Variants in EPN2 observed in about 807,000 individuals in gnomAD.
EPN2 encodes the protein epsin-2.
EPN2 carries 34 observed loss-of-function variants against 61.7 expected under a neutral mutation model. The observed-to-expected ratio is 0.55, with a 90% confidence interval of 0.42 to 0.73. EPN2 has a LOEUF of 0.73. Among genes scored for constraint, EPN2 ranks in the 30% least tolerant of loss-of-function variants. The probability of loss-of-function intolerance (pLI) is 0.00; values close to 1 mark genes in which losing one functional copy is unlikely to be tolerated. For synonymous variants in EPN2, 349 were observed against 353.6 expected (o/e 0.99, Z 0.15); for missense variants, 714 against 839.2 (o/e 0.85, Z 1.84).
At chr17:19,325,658 A>T (rs1906832230) in intron 7 of EPN2, among the ~76,000 whole-genome samples, 1 of 152,224 alleles carries the variant, frequency 6.6e-6, no homozygotes, top group Admixed American at 6.5e-5. Context: ...TGATCCTGTA[A>T]CATCAAGAGC....
At chr17:19,309,749 C>T (rs1191548612) in intron 4 of EPN2, 136 bp from the exon 5 acceptor site, 1 of 680,420 alleles carries the variant, frequency 1.5e-6, no homozygotes, top group Non-Finnish European at 2.7e-6. Context: ...TTCCTTTCCT[C>T]TGCCTGCATT....
At chr17:19,259,603 C>T (rs1172337645) in intron 1 of EPN2, among the ~76,000 whole-genome samples, 4 of 152,180 alleles carry the variant, frequency 2.6e-5, no homozygotes, top group South Asian at 2.1e-4. Flanking sequence ...TGAGCCACAG[C>T]GCCCGGCTGA....
At chr17:19,329,805 C>T (rs772231662) in intron 9 of EPN2, among the ~76,000 whole-genome samples, 158 bp downstream of exon 9, 14 of 152,176 alleles carry the variant, frequency 9.2e-5, no homozygotes, top group Non-Finnish European at 1.6e-4. Flanking sequence ...AGAATTCATA[C>T]ATCAATAGTT....
intron 4 of EPN2, among the ~76,000 whole-genome samples, chr17:19,295,325 C>G (rs929941946): frequency 6.7e-6 from 1 of 148,842 alleles, no homozygotes; most frequent in Non-Finnish European, 1.5e-5. Flanking sequence ...CAGTGAAACC[C>G]CATCTCTATT....
chr17:19,318,096 T>TG (rs1317787938), intron 7 of EPN2, among the ~76,000 whole-genome samples: 1 of 152,218 alleles, frequency 6.6e-6, no homozygotes, highest in Non-Finnish European at 1.5e-5. Context: ...CAGTGTCACT[T>TG]GCAGAATGCA....
chr17:19,245,400 A>G (rs1282767093), intron 1 of EPN2, among the ~76,000 whole-genome samples: 1 of 150,796 alleles, frequency 6.6e-6, no homozygotes, highest in African/African-American at 2.5e-5. Flanking sequence ...AAAGGGGGTC[A>G]AATATGGAAT....
intron 10 of EPN2, among the ~76,000 whole-genome samples, chr17:19,332,878 T>G (rs1231516329): frequency 6.6e-6 from 1 of 152,256 alleles, no homozygotes; most frequent in Non-Finnish European, 1.5e-5. Context: ...TGTGTCACCC[T>G]CAGGTGTTCA....
chr17:19,268,532 G>C (rs2045223019), intron 1 of EPN2, among the ~76,000 whole-genome samples: 1 of 152,106 alleles, frequency 6.6e-6, no homozygotes, highest in African/African-American at 2.4e-5. Flanking sequence ...CCTGGCCTTA[G>C]TACATCTTTA....
intron 1 of EPN2, among the ~76,000 whole-genome samples, chr17:19,262,744 C>G (rs1343504683): frequency 6.6e-6 from 1 of 151,432 alleles, no homozygotes; most frequent in Non-Finnish European, 1.5e-5. Context: ...AGTCATTTCC[C>G]CTCCCATTCT....
chr17:19,300,719 G>T (rs1905455848), intron 4 of EPN2, among the ~76,000 whole-genome samples: 1 of 152,262 alleles, frequency 6.6e-6, no homozygotes, highest in Admixed American at 6.5e-5. Flanking sequence ...TGAGCCACCG[G>T]CACCCGGCAA....
chr17:19,240,980 C>G (rs2044878660), intron 1 of EPN2, among the ~76,000 whole-genome samples: 1 of 152,186 alleles, frequency 6.6e-6, no homozygotes, highest in South Asian at 2.1e-4. Flanking sequence ...AATTGTGTGT[C>G]AGTTGCATAG....
At chr17:19,291,791 G>A (rs1328638113) in intron 4 of EPN2, among the ~76,000 whole-genome samples, 2 of 152,122 alleles carry the variant, frequency 1.3e-5, no homozygotes, top group Non-Finnish European at 2.9e-5. Context: ...TTTCTTGTGC[G>A]CTGTTTCATG....
intron 7 of EPN2, 27 bp downstream of exon 7, chr17:19,313,306 T>C (rs1013376786): frequency 9.3e-6 from 14 of 1,497,460 alleles, no homozygotes; most frequent in Non-Finnish European, 1.2e-5. Flanking sequence ...TGGTCTCCCG[T>C]GCTTGCCTGC....
intron 6 of EPN2, among the ~76,000 whole-genome samples, chr17:19,312,711 G>A (rs950089503): frequency 1.3e-5 from 2 of 152,222 alleles, no homozygotes; most frequent in East Asian, 3.8e-4. Flanking sequence ...GATGACACAT[G>A]GGGTGGTCTT....
In EPN2 at chr17:19,313,060, A is replaced by T. The variant is rs971332886; in HGVS notation, c.973-45A>T. 1.9e-6 allele frequency: 3 copies of T among 1,589,444 alleles called. No individual in the cohort carries two copies. In the African/African-American group the frequency reaches 4.1e-5, roughly 22 times the overall value. ...TGGCTAGTTCATGAGTATTTGCTGTAACTGTAGCATAGTAAAACCTGTCCC... is the reference window on the plus strand; with the variant it reads ...TGGCTAGTTCATGAGTATTTGCTGTTACTGTAGCATAGTAAAACCTGTCCC... On this transcript the variant is annotated intron_variant, in intron 6 of 10. Transcript: ENST00000314728.
intron 4 of EPN2, among the ~76,000 whole-genome samples, chr17:19,306,694 C>T (rs529703100): frequency 4.6e-5 from 7 of 152,332 alleles, no homozygotes; most frequent in Non-Finnish European, 5.9e-5. Context: ...CGTGCCCACT[C>T]TCCCCCTCCA....
At chr17:19,286,168 G>T (rs550036747) in intron 4 of EPN2, among the ~76,000 whole-genome samples, 57 of 152,218 alleles carry the variant, frequency 3.7e-4, no homozygotes, top group Admixed American at 2.4e-3. Flanking sequence ...GACCGGAAAT[G>T]TGTGATTTAA....
intron 1 of EPN2, among the ~76,000 whole-genome samples, chr17:19,251,351 T>C (rs1407576339): frequency 6.6e-6 from 1 of 152,074 alleles, no homozygotes; most frequent in African/African-American, 2.4e-5. Flanking sequence ...AGCCTGGAGG[T>C]GAGCTCTCTT....
At position 19,257,603 on chromosome 17, in the gene EPN2, C is replaced by T. The variant is rs75453650; in HGVS notation, c.-294+20072C>T. 2.1e-3 allele frequency among the ~76,000 whole-genome samples: 320 copies of T among 151,714 alleles called. 8 individuals are homozygous for T. In the East Asian group the frequency reaches 0.05, roughly 24 times the overall value. On this transcript the variant is annotated intron_variant, in intron 1 of 10. Coordinates refer to ENST00000314728, the MANE Select transcript of EPN2 (RefSeq NM_014964.5). ...TGCCATCTTGGCTCACTGCAACTGC[C>T]GCCTCCCGGGTTCAAGTGATTCTCC...
Sources: gnomAD v4.1 joint callset for allele counts (sites outside exome capture counted in the v4.1 genomes callset) on GRCh38, gnomAD v4.1.1 for gene constraint, MANE v1.5 for transcripts, NCBI Gene and HGNC (gene_info 2026-07-23, HGNC 2026-07-21) for gene names.